Variants in DLGAP2 observed in about 807,000 individuals in gnomAD.
DLGAP2 encodes the protein disks large-associated protein 2.
Under a neutral mutation model 100.3 loss-of-function variants are expected in DLGAP2, and 26 were observed. That is an observed-to-expected ratio of 0.26 (90% CI 0.19 to 0.36). The LOEUF (loss-of-function observed/expected upper bound fraction) is 0.36. Among genes scored for constraint, DLGAP2 ranks in the 10% least tolerant of loss-of-function variants. DLGAP2 has a pLI of 1.00. For missense variants in DLGAP2, 1,858 were observed against 1,453.2 expected (o/e 1.28, Z -4.53); for synonymous variants, 886 against 630.1 (o/e 1.41, Z -6.08).
intron 2 of DLGAP2, among the ~76,000 whole-genome samples, chr8:1,063,110 G>C (rs1327302001): frequency 6.6e-6 from 1 of 152,160 alleles, no homozygotes; most frequent in Non-Finnish European, 1.5e-5. Flanking sequence ...TGAAAGATTG[G>C]GTGCCTCTTA....
intron 3 of DLGAP2, among the ~76,000 whole-genome samples, chr8:1,330,613 T>C (rs1801131981): frequency 7.1e-6 from 1 of 141,742 alleles, no homozygotes; most frequent in African/African-American, 2.7e-5. Context: ...GAGTTCTGGG[T>C]GGGAGCACCG....
chr8:989,317 C>T (rs547520391), intron 2 of DLGAP2, among the ~76,000 whole-genome samples: 1 of 152,282 alleles, frequency 6.6e-6, no homozygotes, highest in African/African-American at 2.4e-5. Flanking sequence ...TGGACGGCTG[C>T]TCTCCCAGGG....
intron 3 of DLGAP2, among the ~76,000 whole-genome samples, chr8:1,338,981 G>T (rs1027524618): frequency 1.3e-5 from 2 of 151,174 alleles, no homozygotes; most frequent in Non-Finnish European, 3.0e-5. Context: ...AGTGACCTCA[G>T]TGAGGCGTCA....
At chr8:1,473,484 C>T (rs1453371464) in intron 3 of DLGAP2, among the ~76,000 whole-genome samples, 2 of 152,182 alleles carry the variant, frequency 1.3e-5, no homozygotes, top group African/African-American at 4.8e-5. Context: ...TGATTCTACA[C>T]ATATCACATT....
chr8:1,040,841 C>A (rs762710988), intron 2 of DLGAP2, among the ~76,000 whole-genome samples: 1 of 152,186 alleles, frequency 6.6e-6, no homozygotes, highest in Non-Finnish European at 1.5e-5. Context: ...GGATATTTTT[C>A]ATCACTGACT....
chr8:1,528,177 T>A (rs1439780325), intron 4 of DLGAP2, among the ~76,000 whole-genome samples: 1 of 152,150 alleles, frequency 6.6e-6, no homozygotes, highest in South Asian at 2.1e-4. Flanking sequence ...CCTCCTGGGT[T>A]ACTGGGTTCC....
chr8:1,244,108 G>T (rs1295393561), intron 2 of DLGAP2, among the ~76,000 whole-genome samples: 2 of 152,176 alleles, frequency 1.3e-5, no homozygotes, highest in Non-Finnish European at 2.9e-5. Context: ...TCCACCGTAG[G>T]GATGGTGAGT....
chr8:1,136,512 G>T (rs185935736), intron 2 of DLGAP2, among the ~76,000 whole-genome samples: 50 of 152,160 alleles, frequency 3.3e-4, no homozygotes, highest in African/African-American at 1.2e-3. Context: ...AGCTTCCTTC[G>T]TGAGGGCCAC....
chr8:1,410,736 G>C (rs1475996368), intron 3 of DLGAP2, among the ~76,000 whole-genome samples: 1 of 152,156 alleles, frequency 6.6e-6, no homozygotes, highest in African/African-American at 2.4e-5. Context: ...AAGGGATCCA[G>C]AGATGCTGAT....
intron 2 of DLGAP2, among the ~76,000 whole-genome samples, chr8:1,202,044 ATC>A (rs1797887888): frequency 8.6e-6 from 1 of 115,784 alleles, no homozygotes; most frequent in South Asian, 2.8e-4. Flanking sequence ...CATGTGCAGT[ATC>A]TATCTGTGTG....
chr8:1,094,855 G>A (rs776979307), intron 2 of DLGAP2, among the ~76,000 whole-genome samples: 3 of 152,226 alleles, frequency 2.0e-5, no homozygotes, highest in South Asian at 2.1e-4. Context: ...CCAAGCAAAC[G>A]TCCTGACCCC....
At chr8:778,368 G>C (rs1430470498) in intron 1 of DLGAP2, among the ~76,000 whole-genome samples, 1 of 152,242 alleles carries the variant, frequency 6.6e-6, no homozygotes, top group Non-Finnish European at 1.5e-5. Flanking sequence ...TCTCCGTCCA[G>C]CTTTGTTCCG....
At chr8:1,587,042 G>C (rs946353114) in intron 6 of DLGAP2, among the ~76,000 whole-genome samples, 1 of 152,164 alleles carries the variant, frequency 6.6e-6, no homozygotes, top group Admixed American at 6.5e-5. Flanking sequence ...AGTCCTAGCG[G>C]GAGGGGCAAG....
chr8:1,143,560 C>T (rs1447585609), intron 2 of DLGAP2, among the ~76,000 whole-genome samples: 3 of 152,158 alleles, frequency 2.0e-5, no homozygotes, highest in Admixed American at 6.5e-5. Flanking sequence ...ATCTGGTCAG[C>T]GCTCAGGACT....
At chr8:1,329,065 G>A (rs551339887) in intron 3 of DLGAP2, among the ~76,000 whole-genome samples, 11 of 152,102 alleles carry the variant, frequency 7.2e-5, no homozygotes, top group African/African-American at 1.7e-4. Context: ...GCTAAACTGC[G>A]ACAGGCGACA....
At chr8:1,332,607 G>A (rs1260369816) in intron 3 of DLGAP2, among the ~76,000 whole-genome samples, 1 of 152,156 alleles carries the variant, frequency 6.6e-6, no homozygotes, top group African/African-American at 2.4e-5. Context: ...GCCCTGAGAA[G>A]CACACTCACC....
intron 4 of DLGAP2, among the ~76,000 whole-genome samples, chr8:1,534,794 GTA>G (rs1801101588): frequency 3.3e-5 from 5 of 152,094 alleles, no homozygotes; most frequent in Admixed American, 6.6e-5. Context: ...GTGTGTGAGT[GTA>G]AGTGTGTGTG....
intron 5 of DLGAP2, among the ~76,000 whole-genome samples, chr8:1,555,352 C>T (rs149198608): frequency 1.3e-5 from 2 of 152,318 alleles, no homozygotes; most frequent in East Asian, 1.9e-4. Flanking sequence ...CCAGGAGCCA[C>T]GTGTGCCTGC....
At chr8:869,221 C>T (rs906525762) in intron 1 of DLGAP2, among the ~76,000 whole-genome samples, 5 of 152,336 alleles carry the variant, frequency 3.3e-5, no homozygotes, top group Admixed American at 1.3e-4. Context: ...CACCCCTAAA[C>T]GGTTCCTCGG....
Sources: gnomAD v4.1 joint callset for allele counts (sites outside exome capture counted in the v4.1 genomes callset) on GRCh38, gnomAD v4.1.1 for gene constraint, MANE v1.5 for transcripts, NCBI Gene and HGNC (gene_info 2026-07-23, HGNC 2026-07-21) for gene names.